The following GPC6 variants were observed in gnomAD, a reference collection of about 807,000 sequenced individuals.
GPC6 encodes glypican-6.
In GPC6, 14 loss-of-function variants were observed where a neutral mutation model predicts 55.2. The ratio of observed to expected loss-of-function variants is 0.25; its 90% CI spans 0.17 to 0.40. The LOEUF is 0.40. Among genes scored for constraint, GPC6 ranks in the 10% least tolerant of loss-of-function variants. The pLI, the probability that GPC6 is intolerant of heterozygous loss-of-function variation, is 1.00. For missense variants in GPC6, 641 were observed against 708.5 expected (o/e 0.90, Z 1.08); for synonymous variants, 278 against 259.6 (o/e 1.07, Z -0.68).
chr13:94,135,253 CAAA>C (rs10535164), intron 4 of GPC6, among the ~76,000 whole-genome samples: 122 of 137,508 alleles, frequency 8.9e-4, no homozygotes, highest in East Asian at 2.5e-3. Context: ...AGCTAGTATG[CAAA>C]AAAAAAAAAA....
intron 1 of GPC6, among the ~76,000 whole-genome samples, chr13:93,527,818 G>T (rs540318484): frequency 5.1e-4 from 77 of 152,160 alleles, no homozygotes; most frequent in African/African-American, 1.8e-3. Flanking sequence ...TAAATTAATG[G>T]CTGTGTGAGT....
chr13:93,267,896 G>GA (rs997073808), intron 1 of GPC6, among the ~76,000 whole-genome samples: 61 of 152,168 alleles, frequency 4.0e-4, no homozygotes, highest in Middle Eastern at 3.4e-3. Context: ...AGTTCTTGGG[G>GA]AAAAAATGTG....
chr13:93,733,842 C>T (rs1295880318), intron 2 of GPC6, among the ~76,000 whole-genome samples: 6 of 152,148 alleles, frequency 3.9e-5, no homozygotes, highest in African/African-American at 7.2e-5. Flanking sequence ...GAATGGTTGA[C>T]GAAGAGGCAG....
chr13:94,086,031 CTTT>C (rs1300344395), intron 4 of GPC6, among the ~76,000 whole-genome samples: 1 of 151,968 alleles, frequency 6.6e-6, no homozygotes, highest in African/African-American at 2.4e-5. Context: ...GTTCTTTTCT[CTTT>C]TTTTCTTTTT....
At chr13:93,688,385 A>C (rs970476575) in intron 2 of GPC6, among the ~76,000 whole-genome samples, 1 of 152,092 alleles carries the variant, frequency 6.6e-6, no homozygotes, top group Non-Finnish European at 1.5e-5. Context: ...AAAAAGTTAA[A>C]CATATAATTA....
chr13:94,384,091 T>C (rs902889975), intron 7 of GPC6, among the ~76,000 whole-genome samples: 2 of 152,164 alleles, frequency 1.3e-5, no homozygotes, highest in African/African-American at 4.8e-5. Flanking sequence ...CAATTGCTAA[T>C]GACATTATTA....
chr13:94,346,615 G>A (rs745871534), intron 6 of GPC6, among the ~76,000 whole-genome samples: 8 of 151,916 alleles, frequency 5.3e-5, no homozygotes, highest in Middle Eastern at 3.4e-3. Flanking sequence ...CCAGGTATGC[G>A]GAAGGCTGAG....
upstream of GPC6, among the ~76,000 whole-genome samples, chr13:93,222,026 T>C (rs957888041): frequency 6.6e-6 from 1 of 151,726 alleles, no homozygotes; most frequent in Admixed American, 6.6e-5. Context: ...ATTTTTTTTA[T>C]AAACCCAAGG....
At chr13:94,083,064 G>T (rs1594721905) in intron 4 of GPC6, among the ~76,000 whole-genome samples, 2 of 152,282 alleles carry the variant, frequency 1.3e-5, no homozygotes, top group Middle Eastern at 3.4e-3. Flanking sequence ...CTGCTCAGAG[G>T]TACTTCTCTG....
In GPC6 at chr13:93,842,888, G is replaced by A. The variant is rs569910863; in HGVS notation, c.711+12343G>A. Among the ~76,000 whole-genome samples the A allele has an allele frequency of 2.6e-5, 4 of 152,016 alleles. No individual in the cohort carries two copies. The East Asian group carries it at 5.8e-4, about 22-fold the overall frequency. ...TGTTCATCTGAATTTTTTTGAAGAA[G>A]CAGAAAAGTACAAAGAAGAAAATAA... On this transcript the variant is annotated intron_variant, in intron 3 of 8. Transcript: ENST00000377047.
At chr13:93,315,799 G>C (rs1879227110) in intron 1 of GPC6, among the ~76,000 whole-genome samples, 1 of 151,764 alleles carries the variant, frequency 6.6e-6, no homozygotes, top group African/African-American at 2.4e-5. Context: ...ATTACTAAGA[G>C]AGAGTGAGTG....
chr13:94,084,030 T>C (rs1885198274), intron 4 of GPC6, among the ~76,000 whole-genome samples: 1 of 152,246 alleles, frequency 6.6e-6, no homozygotes, highest in Non-Finnish European at 1.5e-5. Context: ...ACCAATGACT[T>C]GAACCTCATA....
chr13:93,897,135 CAG>C (rs1440128508), intron 3 of GPC6, among the ~76,000 whole-genome samples: 3 of 151,516 alleles, frequency 2.0e-5, no homozygotes, highest in Non-Finnish European at 4.4e-5. Flanking sequence ...CTCATGAAGT[CAG>C]AGAGATTGGT....
At chr13:93,662,124 C>G (rs1391326548) in intron 2 of GPC6, among the ~76,000 whole-genome samples, 1 of 152,092 alleles carries the variant, frequency 6.6e-6, no homozygotes, top group East Asian at 1.9e-4. Flanking sequence ...TGCTTTTTGG[C>G]CCCAGGCTTG....
intron 6 of GPC6, among the ~76,000 whole-genome samples, chr13:94,373,054 C>A (rs534481695): frequency 5.1e-4 from 78 of 152,186 alleles, no homozygotes; most frequent in Middle Eastern, 6.8e-3. Flanking sequence ...CACACCAAAA[C>A]CCCATCTGTA....
intron 2 of GPC6, among the ~76,000 whole-genome samples, chr13:93,663,665 A>G (rs1881017475): frequency 6.6e-6 from 1 of 152,208 alleles, no homozygotes; most frequent in South Asian, 2.1e-4. Flanking sequence ...GAAAACAGAA[A>G]TAGTAACTTC....
At chr13:94,335,869 T>C (rs1877666163) in intron 6 of GPC6, among the ~76,000 whole-genome samples, 1 of 151,572 alleles carries the variant, frequency 6.6e-6, no homozygotes, top group African/African-American at 2.4e-5. Flanking sequence ...CCTGTCTTAC[T>C]GAAAGACCCT....
intron 3 of GPC6, among the ~76,000 whole-genome samples, chr13:94,002,675 A>G (rs770707422): frequency 5.9e-5 from 9 of 152,160 alleles, no homozygotes; most frequent in Admixed American, 2.0e-4. Context: ...CCATGTTTCA[A>G]TGTATATTCA....
At chr13:93,957,944 T>C (rs1341925223) in intron 3 of GPC6, among the ~76,000 whole-genome samples, 4 of 152,208 alleles carry the variant, frequency 2.6e-5, no homozygotes, top group African/African-American at 4.8e-5. Context: ...TGGTTTTGAT[T>C]TGCATTTCTC....
Sources: gnomAD v4.1 joint callset for allele counts (sites outside exome capture counted in the v4.1 genomes callset) on GRCh38, gnomAD v4.1.1 for gene constraint, MANE v1.5 for transcripts, NCBI Gene and HGNC (gene_info 2026-07-23, HGNC 2026-07-21) for gene names.